The following LY86 variants were observed in gnomAD, a reference collection of about 807,000 sequenced individuals.
LY86 encodes MD-1, RP105-associated.
In LY86, 20 loss-of-function variants were observed where a neutral mutation model predicts 17.3. The ratio of observed to expected loss-of-function variants is 1.15; its 90% CI spans 0.81 to 1.68. The LOEUF is 1.68. Among genes scored for constraint, LY86 ranks in the 40% most tolerant of loss-of-function variants. LY86 has a pLI of 0.00. For synonymous variants in LY86, 74 were observed against 70.6 expected, an observed-to-expected ratio of 1.05 and a Z score of -0.24; for missense variants, 200 against 191.9, an observed-to-expected ratio of 1.04 and a Z score of -0.25.
At chr6:6,598,907 C>T (rs774142142) in intron 1 of LY86, among the ~76,000 whole-genome samples, 10 of 152,210 alleles carry the variant, frequency 6.6e-5, no homozygotes, top group Non-Finnish European at 1.5e-4. Flanking sequence ...ATAGCATTGA[C>T]CTGTCTTTCC....
At chr6:6,617,653 G>A (rs1029312945) in intron 1 of LY86, among the ~76,000 whole-genome samples, 6 of 152,144 alleles carry the variant, frequency 3.9e-5, no homozygotes, top group African/African-American at 1.2e-4. Flanking sequence ...GATGAGCCAA[G>A]TTGCTCTTCC....
chr6:6,649,335 C>T (rs1338641580), intron 3 of LY86, among the ~76,000 whole-genome samples: 1 of 152,242 alleles, frequency 6.6e-6, no homozygotes, highest in East Asian at 1.9e-4. Flanking sequence ...TGAGTGGGGA[C>T]ATAGCCAGAC....
chr6:6,648,483 G>T (rs547771116), intron 3 of LY86, among the ~76,000 whole-genome samples: 11 of 152,048 alleles, frequency 7.2e-5, no homozygotes, highest in African/African-American at 2.2e-4. Flanking sequence ...CCACATCAAG[G>T]CCTCTGTCCT....
intron 1 of LY86, among the ~76,000 whole-genome samples, chr6:6,606,463 G>A (rs779900686): frequency 6.6e-6 from 1 of 152,192 alleles, no homozygotes; most frequent in Non-Finnish European, 1.5e-5. Flanking sequence ...GTCCCACACC[G>A]CGCACCCGCA....
chr6:6,604,898 G>A (rs972506708), intron 1 of LY86, among the ~76,000 whole-genome samples: 2 of 150,716 alleles, frequency 1.3e-5, no homozygotes, highest in African/African-American at 4.9e-5. Flanking sequence ...TAGACTGACA[G>A]CTGGCTCCAG....
chr6:6,651,317 T>C (rs1762183662), intron 4 of LY86, among the ~76,000 whole-genome samples: 1 of 152,230 alleles, frequency 6.6e-6, no homozygotes, highest in African/African-American at 2.4e-5. Context: ...TAGTTTCACC[T>C]CTGGGTTTGT....
chr6:6,635,360 G>A (rs2113150601), intron 3 of LY86, among the ~76,000 whole-genome samples: 1 of 152,130 alleles, frequency 6.6e-6, no homozygotes, highest in East Asian at 1.9e-4. Context: ...TAATAAAATA[G>A]AACAATTATA....
chr6:6,596,143 C>T (rs1760705730), intron 1 of LY86, among the ~76,000 whole-genome samples: 1 of 152,186 alleles, frequency 6.6e-6, no homozygotes. Context: ...GTCACATGTG[C>T]CTGAATCATC....
chr6:6,609,289 C>T (rs1761273380), intron 1 of LY86, among the ~76,000 whole-genome samples: 2 of 152,218 alleles, frequency 1.3e-5, no homozygotes, highest in South Asian at 4.1e-4. Flanking sequence ...GGCTTCATCT[C>T]ATTGACATAA....
At chr6:6,607,991 T>G (rs890770028) in intron 1 of LY86, among the ~76,000 whole-genome samples, 1 of 152,162 alleles carries the variant, frequency 6.6e-6, no homozygotes, top group African/African-American at 2.4e-5. Flanking sequence ...AAATGACAAA[T>G]TGCATTTTAA....
At chr6:6,635,447 CT>C (rs1761946885) in intron 3 of LY86, among the ~76,000 whole-genome samples, 3 of 152,176 alleles carry the variant, frequency 2.0e-5, no homozygotes, top group Admixed American at 2.0e-4. Flanking sequence ...CACTCTCTCT[CT>C]CCCTTTCTCT....
chr6:6,647,613 C>A (rs1762123865), intron 3 of LY86, among the ~76,000 whole-genome samples: 1 of 152,142 alleles, frequency 6.6e-6, no homozygotes, highest in Admixed American at 6.6e-5. Flanking sequence ...GCTGGCAATA[C>A]CCTCCTGTTT....
chr6:6,611,460 G>A (rs9504871), intron 1 of LY86, among the ~76,000 whole-genome samples: 49,901 of 152,052 alleles, frequency 0.33, 8,520 homozygotes, highest in East Asian at 0.53. Flanking sequence ...CTCAGAACAG[G>A]ACCTGCTGTG....
chr6:6,626,146 A>G, intron 2 of LY86, 147 bp from the exon 3 acceptor site: 2 of 735,266 alleles, frequency 2.7e-6, no homozygotes, highest in Admixed American at 2.9e-5. Flanking sequence ...ATGCTGTTTT[A>G]CCAAGGAAAG....
At chr6:6,610,042 C>T (rs1761291769) in intron 1 of LY86, among the ~76,000 whole-genome samples, 1 of 152,154 alleles carries the variant, frequency 6.6e-6, no homozygotes, top group Admixed American at 6.5e-5. Flanking sequence ...CTGCCCAGGC[C>T]TCCCAAAGTG....
At chr6:6,652,076 A>AGG (rs1413859074) in intron 4 of LY86, among the ~76,000 whole-genome samples, 1,737 of 150,198 alleles carry the variant, frequency 0.012, 38 homozygotes, top group African/African-American at 0.041. Flanking sequence ...AAAAAAAAAA[A>AGG]AAAAAGGAAA....
chr6:6,628,360 A>G (rs950377958), intron 3 of LY86, among the ~76,000 whole-genome samples: 1 of 134,264 alleles, frequency 7.4e-6, no homozygotes, highest in Non-Finnish European at 1.6e-5. Context: ...CTTCAGCCAC[A>G]TCTTGCTCCA....
intron 1 of LY86, among the ~76,000 whole-genome samples, chr6:6,592,090 T>C (rs1489615669): frequency 6.6e-6 from 1 of 152,164 alleles, no homozygotes; most frequent in African/African-American, 2.4e-5. Context: ...AATAGGGTTT[T>C]CTCCAGGTGG....
At chr6:6,626,215 G>C in intron 2 of LY86, 78 bp from the exon 3 acceptor site, 3 of 1,405,398 alleles carry the variant, frequency 2.1e-6, no homozygotes, top group Non-Finnish European at 1.9e-6. Context: ...TTTAGCTCAT[G>C]CTGCTGTATA....
Sources: gnomAD v4.1 joint callset for allele counts (sites outside exome capture counted in the v4.1 genomes callset) on GRCh38, gnomAD v4.1.1 for gene constraint, MANE v1.5 for transcripts, NCBI Gene and HGNC (gene_info 2026-07-23, HGNC 2026-07-21) for gene names.